Variants in ZNRF3 observed in about 807,000 individuals in gnomAD.
ZNRF3 encodes zinc and ring finger 3, also known as E3 ubiquitin-protein ligase ZNRF3.
A neutral mutation model predicts 72.5 loss-of-function variants in ZNRF3; 23 were observed. That is an observed-to-expected ratio of 0.32 (90% CI 0.23 to 0.45). The LOEUF is 0.45. Ranked by LOEUF, ZNRF3 falls within the 20% of genes least tolerant of loss-of-function variation. The pLI is 1.00. For synonymous variants in ZNRF3, 610 were observed against 545.3 expected, an observed-to-expected ratio of 1.12 and a Z score of -1.65; for missense variants, 1,169 against 1,272.1, an observed-to-expected ratio of 0.92 and a Z score of 1.23.
intron 6 of ZNRF3, among the ~76,000 whole-genome samples, chr22:29,047,960 C>T (rs1368831397): frequency 6.6e-6 from 1 of 152,144 alleles, no homozygotes; most frequent in Non-Finnish European, 1.5e-5. Context: ...TTCCTTTCTA[C>T]TCATGCCTAT....
Position 28,990,781 on chromosome 22 carries a change from A to G in ZNRF3, c.426+3580A>G, listed in dbSNP as rs141998633. On this transcript the variant is annotated intron_variant, in intron 2 of 8. Transcript: ENST00000544604. ...CCGGGCATCTTAACCCTCCAATTCAATCAGTGTTTATTAAGCATCTTATAG... is the reference window on the plus strand; with the variant it reads ...CCGGGCATCTTAACCCTCCAATTCAGTCAGTGTTTATTAAGCATCTTATAG... Among the ~76,000 whole-genome samples the G allele has an allele frequency of 1.0e-3, 154 of 152,230 alleles. 6 individuals carry two copies. The South Asian group carries it at 0.022, about 22-fold the overall frequency.
At chr22:28,942,548 A>G (rs186016749) in intron 1 of ZNRF3, among the ~76,000 whole-genome samples, 4 of 152,314 alleles carry the variant, frequency 2.6e-5, no homozygotes, top group African/African-American at 7.2e-5. Context: ...ACCTCGGGCA[A>G]GTCTCTTAGT....
chr22:28,937,203 ATATATATATATATTTTTTTTTTT>A (rs1420751695), intron 1 of ZNRF3, among the ~76,000 whole-genome samples: 3,025 of 9,520 alleles, frequency 0.32, 80 homozygotes, highest in Admixed American at 0.45. Flanking sequence ...ATATATATAT[ATATATATATATATTTTTTTTTTT>A]TTTTTTTTTT....
At chr22:28,968,227 C>T (rs1458611030) in intron 1 of ZNRF3, among the ~76,000 whole-genome samples, 1 of 152,174 alleles carries the variant, frequency 6.6e-6, no homozygotes, top group Non-Finnish European at 1.5e-5. Flanking sequence ...CATCTTTGTC[C>T]AGTTTGGATT....
intron 2 of ZNRF3, among the ~76,000 whole-genome samples, chr22:29,029,608 C>T (rs1027940330): frequency 7.2e-5 from 11 of 152,134 alleles, no homozygotes; most frequent in Admixed American, 1.3e-4. Flanking sequence ...AAAATAACTG[C>T]GAAACTTCTA....
At chr22:28,906,132 C>T (rs992998046) in intron 1 of ZNRF3, among the ~76,000 whole-genome samples, 1 of 152,188 alleles carries the variant, frequency 6.6e-6, no homozygotes, top group Non-Finnish European at 1.5e-5. Flanking sequence ...TGAGACCAGC[C>T]TGGGCAACGT....
intron 1 of ZNRF3, among the ~76,000 whole-genome samples, chr22:28,916,404 A>G (rs1457550264): frequency 6.6e-6 from 1 of 152,180 alleles, no homozygotes; most frequent in Non-Finnish European, 1.5e-5. Context: ...GAGAGGGTAG[A>G]AATAACTCAG....
intron 1 of ZNRF3, among the ~76,000 whole-genome samples, chr22:28,971,283 T>C (rs1348809907): frequency 2.0e-5 from 3 of 152,174 alleles, no homozygotes; most frequent in East Asian, 3.9e-4. Context: ...TAGAGCTCTA[T>C]GACCCAACCA....
intron 2 of ZNRF3, among the ~76,000 whole-genome samples, chr22:28,998,107 T>C (rs969109832): frequency 2.8e-4 from 42 of 151,586 alleles, no homozygotes; most frequent in Admixed American, 2.4e-3. Flanking sequence ...CGAGACAGCC[T>C]GGCCAACATG....
chr22:28,968,451 TGTAATCC>T (rs1259256772), intron 1 of ZNRF3, among the ~76,000 whole-genome samples: 6 of 152,208 alleles, frequency 3.9e-5, no homozygotes, highest in Non-Finnish European at 7.3e-5. Flanking sequence ...GGCTCAAACC[TGTAATCC>T]CAGCACTTTG....
Position 29,030,979 on chromosome 22 carries a change from G to C in ZNRF3, c.427-11516G>C, listed in dbSNP as rs996794092. The C allele has an allele frequency of 6.6e-6, 1 of 152,294 alleles. No homozygotes were observed. The highest frequency in any genetic ancestry group is 1.5e-5 in the Non-Finnish European group (1 of 68,160). 9.4% of individuals were successfully genotyped at this position (152,294 alleles called of 1,614,324 possible). A position where few individuals can be genotyped will look rare whatever the true frequency, so the allele number is the denominator to read the frequency against. ...CGGCGGGTGGAGCTGGCAGCACTGCGCCACCCACCCTCACCTCCCAACCCC... is the reference window on the plus strand; with the variant it reads ...CGGCGGGTGGAGCTGGCAGCACTGCCCCACCCACCCTCACCTCCCAACCCC... On this transcript the variant is annotated intron_variant, in intron 2 of 8. Transcript: ENST00000544604. This position sits in a 1 kb window ranked among gnomAD's most constrained non-coding sequence, Gnocchi z 4.2.
Position 28,883,904 on chromosome 22 carries a change from G to T in ZNRF3, c.138G>T (p.Ala46=). The T allele has an allele frequency of 8.8e-7, 1 of 1,141,260 alleles. No individual in the cohort carries two copies. The highest frequency in any genetic ancestry group is 1.1e-6 in the Non-Finnish European group (1 of 918,442). The allele number at this position is 1,141,260 out of a possible 1,614,324, so 70.7% of individuals were successfully genotyped here. A position where few individuals can be genotyped will look rare whatever the true frequency, so the allele number is the denominator to read the frequency against. The part of the protein sequence containing the change: ...PLPLLLGLLL[A]AAGPGAARAK... ...CGCTGCTGCTCGGGCTGCTGCTGGC[G>T]GCCGCGGGGCCCGGCGCGGCGCGGG... is the stretch of plus-strand genomic sequence containing the variant. Residue 46 remains alanine (A), a synonymous_variant, in exon 1 of 9, where the codon GCG becomes GCT. Transcript: ENST00000544604. This position sits in a 1 kb window ranked among gnomAD's most constrained non-coding sequence, Gnocchi z 5.5.
intron 1 of ZNRF3, among the ~76,000 whole-genome samples, chr22:28,949,732 T>G (rs2035121922): frequency 6.6e-6 from 1 of 152,226 alleles, no homozygotes; most frequent in Admixed American, 6.5e-5. Flanking sequence ...TTCCTTGAAG[T>G]GTTAGTCTCA....
chr22:29,032,560 G>A (rs759171504), intron 2 of ZNRF3, among the ~76,000 whole-genome samples: 7 of 152,214 alleles, frequency 4.6e-5, no homozygotes, highest in Non-Finnish European at 1.0e-4. Context: ...ATCTTAAAGT[G>A]CGAAGAATAT....
chr22:29,052,838 T>A (rs2123891532), intron 8 of ZNRF3, among the ~76,000 whole-genome samples: 1 of 152,208 alleles, frequency 6.6e-6, no homozygotes, highest in East Asian at 1.9e-4. Context: ...AAATTTTTTT[T>A]TAATTAGCTG....
At chr22:28,997,621 G>A (rs745959878) in intron 2 of ZNRF3, among the ~76,000 whole-genome samples, 16 of 152,098 alleles carry the variant, frequency 1.1e-4, no homozygotes, top group Non-Finnish European at 2.2e-4. Flanking sequence ...GCAAGTGATC[G>A]TTCTGTTCAG....
At chr22:28,889,237 G>A (rs1226854804) in intron 1 of ZNRF3, among the ~76,000 whole-genome samples, 1 of 152,132 alleles carries the variant, frequency 6.6e-6, no homozygotes, top group Non-Finnish European at 1.5e-5. Context: ...ATATAATATA[G>A]GGGTTCTTAA....
intron 1 of ZNRF3, among the ~76,000 whole-genome samples, chr22:28,900,479 C>G (rs1308443539): frequency 6.6e-6 from 1 of 152,164 alleles, no homozygotes; most frequent in African/African-American, 2.4e-5. Context: ...GGGAATTGAT[C>G]AAGTCTGGTA....
chr22:29,049,714 C>T lies in ZNRF3; in HGVS notation c.1533C>T (p.Thr511=), dbSNP rs375503504. Residue 511 remains threonine (T), a synonymous_variant, in exon 8 of 9, where the codon ACC becomes ACT. Transcript: ENST00000544604. The surrounding 1 kb of genome is among the most constrained non-coding windows in gnomAD (Gnocchi z 5.2). ...GCAGTGGCAGCCTGCTCTTCCCCAC[C>T]GTGGTGCACGTGGCCCCGCCCTCCC... ...PSGSGSLLFP[T]VVHVAPPSHL... is the part of the protein sequence containing the mutation. 7.9e-4 allele frequency: 1,260 copies of T among 1,601,478 alleles called. 4 individuals are homozygous for T. The highest frequency in any genetic ancestry group is 2.5e-3 in the Middle Eastern group (15 of 6,036).
Sources: allele counts gnomAD v4.1 joint callset (sites outside exome capture counted in the v4.1 genomes callset), GRCh38; gene constraint gnomAD v4.1.1; non-coding constraint Gnocchi (gnomAD v3.1); transcripts MANE v1.5; gene names NCBI Gene and HGNC (gene_info 2026-07-23, HGNC 2026-07-21).